PDE8B: variants seen among roughly 807,000 people sequenced by gnomAD.
PDE8B encodes the protein phosphodiesterase 8B, also known as high affinity cAMP-specific and IBMX-insensitive 3',5'-cyclic phosphodiesterase 8B.
In PDE8B, 26 loss-of-function variants were observed where a neutral mutation model predicts 101.3. The ratio of observed to expected loss-of-function variants is 0.26; its 90% CI spans 0.19 to 0.36. The LOEUF (loss-of-function observed/expected upper bound fraction) is 0.36, where lower values mean the gene tolerates loss of function less well. PDE8B is among the 10% of genes least tolerant of loss of function. The probability of loss-of-function intolerance (pLI) is 1.00; values close to 1 mark genes in which losing one functional copy is unlikely to be tolerated. For missense variants in PDE8B, 810 were observed against 1,163.1 expected (o/e 0.70, Z 4.42); for synonymous variants, 424 against 429.3 (o/e 0.99, Z 0.15).
At chr5:77,183,469 A>G in the PDE8B span, among the ~76,000 whole-genome samples, 1 of 152,198 alleles carries the variant, frequency 6.6e-6, no homozygotes, top group Non-Finnish European at 1.5e-5. Flanking sequence ...TTCTCATCTT[A>G]GATGACACAG....
chr5:77,169,100 A>T, the PDE8B span, among the ~76,000 whole-genome samples: 1 of 152,198 alleles, frequency 6.6e-6, no homozygotes, highest in African/African-American at 2.4e-5. Context: ...CTGTCACTTG[A>T]ACTCTTCCAG....
At chr5:77,416,996 C>G (rs1581593707) in intron 17 of PDE8B, among the ~76,000 whole-genome samples, 1 of 151,960 alleles carries the variant, frequency 6.6e-6, no homozygotes, top group Non-Finnish European at 1.5e-5. Context: ...CTGGAATTGC[C>G]CTCTTGCTGC....
At position 77,211,130 on chromosome 5, in the gene PDE8B, A is replaced by G; in HGVS notation, c.205A>G (p.Arg69Gly). The change falls in exon 1 of 22, where the codon AGG becomes GGG. Residue 69 changes from arginine (R) to glycine (G), a missense_variant. Arg to Gly is a moderately radical substitution (Grantham distance 125). This residue lies in a region of PDE8B where 159 missense variants were observed against 146.6 expected (regional missense o/e 1.08). Transcript: ENST00000264917. This position sits in a 1 kb window ranked among gnomAD's most constrained non-coding sequence, Gnocchi z 4.1. ...ACCCCCCAGCGTAGCCCGCGTCCGC[A>G]GGGCCCGCACCGAGCTGGGCAGCGG... Reference protein sequence around the residue: ...SGPPSVARVRRARTELGSGSS... With the variant: ...SGPPSVARVRGARTELGSGSS... 3 of 1,506,152 alleles carry G rather than the reference A, an allele frequency of 2.0e-6. No homozygotes were observed. Among genetic ancestry groups the G allele is most frequent in the East Asian group, 2.7e-5 (1 of 37,276 alleles). 93.3% of individuals were successfully genotyped at this position (1,506,152 alleles called of 1,614,324 possible). A position where few individuals can be genotyped will look rare whatever the true frequency, so the allele number is the denominator to read the frequency against.
At chr5:77,176,419 G>T in the PDE8B span, among the ~76,000 whole-genome samples, 1 of 152,194 alleles carries the variant, frequency 6.6e-6, no homozygotes, top group Admixed American at 6.5e-5. Context: ...TAAACTTAAG[G>T]ATAGAGCAAT....
rs1438780032 is a variant in PDE8B at position 77,418,443 on chromosome 5, A to G, written c.2126A>G (p.Asp709Gly). 1.2e-6 allele frequency: 2 copies of G among 1,611,008 alleles called. No homozygotes were observed. Among genetic ancestry groups the G allele is most frequent in the East Asian group, 2.2e-5 (1 of 44,854 alleles). ...DTKCNIFKNIDRNHYRTLRQA... is the reference protein window; with the variant it reads ...DTKCNIFKNIGRNHYRTLRQA... Reference sequence around the variant, plus strand: ...AAATGCAACATTTTCAAGAATATTGACAGGTTTGTTGTGCTGGGGCTCCTG... The same window carrying G: ...AAATGCAACATTTTCAAGAATATTGGCAGGTTTGTTGTGCTGGGGCTCCTG... Residue 709 changes from aspartate to glycine, a missense_variant, in exon 18 of 22, where the codon GAC becomes GGC. Physicochemically the swap from Asp to Gly is moderately conservative, Grantham distance 94. Coordinates refer to ENST00000264917, the MANE Select transcript of PDE8B (RefSeq NM_003719.5).
At chr5:77,190,261 C>T in the PDE8B span, among the ~76,000 whole-genome samples, 1 of 152,206 alleles carries the variant, frequency 6.6e-6, no homozygotes, top group South Asian at 2.1e-4. Context: ...AAGGCCAGTC[C>T]TTGACTGCAA....
chr5:77,217,772 A>G (rs1750125320), intron 1 of PDE8B, among the ~76,000 whole-genome samples: 1 of 152,096 alleles, frequency 6.6e-6, no homozygotes, highest in African/African-American at 2.4e-5. Context: ...CCTGAGCTCA[A>G]GTTATCCACC....
At chr5:77,232,176 C>A (rs1021432715) in intron 1 of PDE8B, among the ~76,000 whole-genome samples, 1 of 152,200 alleles carries the variant, frequency 6.6e-6, no homozygotes, top group Non-Finnish European at 1.5e-5. Context: ...GAAAAACATC[C>A]ATTTTTCATA....
chr5:77,374,800 A>T (rs1785738457), intron 10 of PDE8B, among the ~76,000 whole-genome samples: 1 of 152,192 alleles, frequency 6.6e-6, no homozygotes, highest in African/African-American at 2.4e-5. Context: ...AGCACTGAAG[A>T]TCGGTGAGAA....
intron 10 of PDE8B, among the ~76,000 whole-genome samples, chr5:77,390,056 G>T (rs1789585733): frequency 6.6e-6 from 1 of 152,130 alleles, no homozygotes; most frequent in Non-Finnish European, 1.5e-5. Context: ...CTCCAACTAT[G>T]TATGAGAGTT....
rs150809347 is a variant in PDE8B, at chr5:77,214,282, A to G, written c.339+3018A>G. 3.0e-3 allele frequency among the ~76,000 whole-genome samples: 458 copies of G among 152,316 alleles called. 1 individual carries two copies. The highest frequency in any genetic ancestry group is 5.3e-3 in the Non-Finnish European group (363 of 68,026). ...TTGTAGAGAAGAATCGTTATTGACA[A>G]TATCGTCAACTTGCTATGACCTCTG... On this transcript the variant is annotated intron_variant, in intron 1 of 21. Transcript: ENST00000264917.
At chr5:77,285,451 C>T (rs989724435) in intron 1 of PDE8B, among the ~76,000 whole-genome samples, 3 of 151,972 alleles carry the variant, frequency 2.0e-5, no homozygotes, top group Non-Finnish European at 2.9e-5. Flanking sequence ...TTTCTGTTTC[C>T]GTAGTTTCTC....
intron 1 of PDE8B, among the ~76,000 whole-genome samples, chr5:77,263,024 T>G (rs7718685): frequency 0.042 from 6,453 of 152,292 alleles, 205 homozygotes; most frequent in African/African-American, 0.081. Flanking sequence ...AAATGGGCAT[T>G]GTTGCCACTT....
At chr5:77,106,551 A>G in the PDE8B span, among the ~76,000 whole-genome samples, 1 of 152,322 alleles carries the variant, frequency 6.6e-6, no homozygotes, top group African/African-American at 2.4e-5. Context: ...ATAGTTTTAT[A>G]GAAAGTATTA....
chr5:77,242,831 T>A (rs902287542), intron 1 of PDE8B, among the ~76,000 whole-genome samples: 3 of 152,112 alleles, frequency 2.0e-5, no homozygotes, highest in African/African-American at 7.2e-5. Context: ...CTCGCCTGGC[T>A]AATTTTTTGT....
intron 20 of PDE8B, among the ~76,000 whole-genome samples, chr5:77,424,544 G>A (rs908182395): frequency 1.3e-5 from 2 of 152,170 alleles, no homozygotes; most frequent in Non-Finnish European, 2.9e-5. Context: ...ACCCAAGTTT[G>A]AACAATCATA....
intron 1 of PDE8B, among the ~76,000 whole-genome samples, chr5:77,224,977 G>T (rs62362640): frequency 6.6e-6 from 1 of 151,896 alleles, no homozygotes; most frequent in African/African-American, 2.4e-5. Context: ...TTTTTTTGGG[G>T]AAGACTACTT....
the PDE8B span, among the ~76,000 whole-genome samples, chr5:77,137,134 G>A: frequency 6.6e-6 from 1 of 152,162 alleles, no homozygotes; most frequent in African/African-American, 2.4e-5. Flanking sequence ...TGTGATGTGC[G>A]CTTCTGTTTC....
At chr5:77,361,546 G>A (rs556430501) in intron 10 of PDE8B, among the ~76,000 whole-genome samples, 312 of 144,480 alleles carry the variant, frequency 2.2e-3, no homozygotes, top group African/African-American at 7.7e-3. Flanking sequence ...ATGGAGTCTC[G>A]CTCTATTGCC....
Sources: allele counts gnomAD v4.1 joint callset (sites outside exome capture counted in the v4.1 genomes callset), GRCh38; gene constraint gnomAD v4.1.1; regional missense constraint gnomAD v4.1.1; non-coding constraint Gnocchi (gnomAD v3.1); transcripts MANE v1.5; gene names NCBI Gene and HGNC (gene_info 2026-07-23, HGNC 2026-07-21).